R3HDM1: variants seen among roughly 807,000 people sequenced by gnomAD.
R3HDM1 encodes the protein R3H domain containing 1.
R3HDM1 carries 46 observed loss-of-function variants against 141.1 expected under a neutral mutation model. That is an observed-to-expected ratio of 0.33 (90% confidence interval 0.26 to 0.42). The LOEUF (loss-of-function observed/expected upper bound fraction) is 0.42. Among genes scored for constraint, R3HDM1 ranks in the 10% least tolerant of loss-of-function variants. The probability of loss-of-function intolerance (pLI) is 1.00; values close to 1 mark genes in which losing one functional copy is unlikely to be tolerated. For synonymous variants in R3HDM1, 435 were observed against 472.9 expected (o/e 0.92, Z 1.04); for missense variants, 1,184 against 1,368.3 (o/e 0.87, Z 2.12).
At chr2:135,565,970 A>G (rs1054860141) in intron 1 of R3HDM1, 2 of 152,232 alleles carry the variant, frequency 1.3e-5, no homozygotes, top group Non-Finnish European at 2.9e-5. Context: ...TATCAAGTGA[A>G]TGAGAAACCT....
chr2:135,565,315 G>GAAAAAA (rs557922201), intron 1 of R3HDM1, among the ~76,000 whole-genome samples: 2 of 143,312 alleles, frequency 1.4e-5, no homozygotes, highest in African/African-American at 5.3e-5. Flanking sequence ...CCTTGCCAAT[G>GAAAAAA]AAAAAAAATT....
chr2:135,690,117 C>A (rs2072089656), intron 21 of R3HDM1, among the ~76,000 whole-genome samples: 1 of 151,958 alleles, frequency 6.6e-6, no homozygotes, highest in African/African-American at 2.4e-5. Context: ...TTTTTTCTGT[C>A]CACAGTCTGT....
At chr2:135,591,561 T>C (rs1055696278) in intron 1 of R3HDM1, among the ~76,000 whole-genome samples, 11 of 152,214 alleles carry the variant, frequency 7.2e-5, no homozygotes, top group Non-Finnish European at 1.5e-4. Context: ...CCTTATGAAC[T>C]GCCAACATTA....
chr2:135,537,258 A>G (rs2104880961), intron 1 of R3HDM1, among the ~76,000 whole-genome samples: 1 of 149,634 alleles, frequency 6.7e-6, no homozygotes, highest in East Asian at 1.9e-4. Context: ...AACAATAGCT[A>G]AAGTGAGCAT....
intron 1 of R3HDM1, among the ~76,000 whole-genome samples, chr2:135,537,024 G>A (rs1696292549): frequency 6.6e-6 from 1 of 151,990 alleles, no homozygotes; most frequent in Non-Finnish European, 1.5e-5. Context: ...ACAGGTCCCT[G>A]GTGCCAAAAA....
At position 135,551,896 on chromosome 2, in the gene R3HDM1, T is replaced by C. The variant is rs374657272; in HGVS notation, c.-250+20263T>C. Among the ~76,000 whole-genome samples, 74 of 152,358 alleles carry C rather than the reference T, an allele frequency of 4.9e-4. 2 individuals are homozygous for C. The South Asian group carries it at 0.015, about 31-fold the overall frequency. On this transcript the variant is annotated intron_variant, in intron 1 of 26. Coordinates refer to ENST00000683871, the MANE Select transcript of R3HDM1 (RefSeq NM_001378107.1). ...CAGTATTACCTTGAAGGCAAATGTT[T>C]ATTTTAATATGAAAATGATAGTTCA...
chr2:135,650,190 G>C, intron 17 of R3HDM1, 187 bp downstream of exon 17: 2 of 969,360 alleles, frequency 2.1e-6, no homozygotes, highest in South Asian at 4.8e-5. Flanking sequence ...GGTTATAGTG[G>C]CTTATTATGG....
At chr2:135,706,853 C>T (rs1010779477) in intron 21 of R3HDM1, among the ~76,000 whole-genome samples, 8 of 152,192 alleles carry the variant, frequency 5.3e-5, no homozygotes, top group African/African-American at 1.9e-4. Flanking sequence ...TCCACAAAAC[C>T]GCCATTGTCA....
intron 1 of R3HDM1, among the ~76,000 whole-genome samples, chr2:135,597,530 C>G (rs1365472546): frequency 6.6e-6 from 1 of 152,150 alleles, no homozygotes; most frequent in East Asian, 1.9e-4. Context: ...TTTGGTTGTG[C>G]CAATTTATAA....
intron 20 of R3HDM1, 86 bp from the exon 21 acceptor site, chr2:135,680,087 A>G (rs926767191): frequency 1.5e-6 from 2 of 1,371,516 alleles, no homozygotes; most frequent in African/African-American, 1.5e-5. Context: ...CTCGAAAAAA[A>G]TAAAGTTTAT....
chr2:135,598,384 C>T (rs1186928073), intron 1 of R3HDM1, among the ~76,000 whole-genome samples: 1 of 152,144 alleles, frequency 6.6e-6, no homozygotes, highest in East Asian at 1.9e-4. Context: ...AAATACATAG[C>T]TCCTCTTCAT....
At position 135,682,030 on chromosome 2, in the gene R3HDM1, G is replaced by T. The variant is rs573421007; in HGVS notation, c.2459+1706G>T. 4.7e-5 allele frequency among the ~76,000 whole-genome samples: 7 copies of T among 149,448 alleles called. No individual in the cohort carries two copies. In the East Asian group the frequency reaches 1.4e-3, roughly 29 times the overall value. On this transcript the variant is annotated intron_variant, in intron 21 of 26. Transcript: ENST00000683871. ...TTTATAAATAAGGAAAAAATACTCC[G>T]AATCTGAGTTTTTTACCCTGATAAA...
chr2:135,585,914 G>A (rs1223082343), intron 1 of R3HDM1, among the ~76,000 whole-genome samples: 12 of 152,150 alleles, frequency 7.9e-5, no homozygotes, highest in Admixed American at 7.9e-4. Context: ...AAGTCAGTTG[G>A]AAGATGCAAA....
intron 1 of R3HDM1, chr2:135,561,393 CAG>C (rs1482501456): frequency 1.9e-5 from 17 of 909,154 alleles, no homozygotes; most frequent in Non-Finnish European, 2.0e-5. Context: ...GTGGAGAAAA[CAG>C]AATAAAATAG....
chr2:135,709,666 GC>G, intron 22 of R3HDM1, 130 bp downstream of exon 22: 3 of 1,115,588 alleles, frequency 2.7e-6, no homozygotes, highest in Non-Finnish European at 3.9e-6. Context: ...TATTGAGGGT[GC>G]TGTACTGAAT....
intron 1 of R3HDM1, chr2:135,543,170 C>T: frequency 1.2e-6 from 1 of 806,250 alleles, no homozygotes; most frequent in Non-Finnish European, 1.5e-6. Context: ...GATAGGGGTT[C>T]AGATTTATTT....
intron 1 of R3HDM1, chr2:135,590,636 A>G: frequency 3.0e-6 from 3 of 985,402 alleles, no homozygotes; most frequent in Non-Finnish European, 1.2e-6. Flanking sequence ...TTTAAAGAGA[A>G]ATTATATCTG....
chr2:135,684,385 A>G (rs565799740), intron 21 of R3HDM1, among the ~76,000 whole-genome samples: 57 of 152,332 alleles, frequency 3.7e-4, no homozygotes, highest in African/African-American at 1.3e-3. Flanking sequence ...CACCGCTCCC[A>G]GCCGAACATA....
At chr2:135,680,357 T>G in intron 21 of R3HDM1, 33 bp downstream of exon 21, 1 of 1,606,758 alleles carries the variant, frequency 6.2e-7, no homozygotes. Context: ...ATCTTCCAGC[T>G]TCTCATTGTT....
Sources: allele counts gnomAD v4.1 joint callset (sites outside exome capture counted in the v4.1 genomes callset), GRCh38; gene constraint gnomAD v4.1.1; transcripts MANE v1.5; gene names NCBI Gene and HGNC (gene_info 2026-07-23, HGNC 2026-07-21).